COX16: variants seen among roughly 807,000 people sequenced by gnomAD.
COX16 encodes cytochrome c oxidase assembly protein COX16 homolog, mitochondrial.
A neutral mutation model predicts 15.4 loss-of-function variants in COX16; 12 were observed. The ratio of observed to expected loss-of-function variants is 0.78; its 90% CI spans 0.50 to 1.26. The LOEUF is 1.26. Ranked by LOEUF, COX16 falls within the 50% of genes most tolerant of loss-of-function variation. COX16 has a pLI of 0.00. For missense variants in COX16, 124 were observed against 127.6 expected (o/e 0.97, Z 0.14); for synonymous variants, 46 against 41.1 (o/e 1.12, Z -0.46).
rs1886073948 is a variant in COX16 at position 70,326,356 on chromosome 14, T to G, written c.298A>C (p.Ser100Arg). The change falls in exon 4 of 4, where the codon AGC becomes CGC. Residue 100 changes from serine (S) to arginine (R), a missense_variant. Coordinates refer to ENST00000389912, the MANE Select transcript of COX16 (RefSeq NM_016468.7). ...AGTCAAGTTGTCTTAGTCTTAAGGCTTTCTGGATTTCTTCCTTGGAGGAGG... is the reference window on the plus strand; with the variant it reads ...AGTCAAGTTGTCTTAGTCTTAAGGCGTTCTGGATTTCTTCCTTGGAGGAGG... Reference protein sequence around the residue: ...PDLLQGRNPESLKTKTT With the variant: ...PDLLQGRNPERLKTKTT The G allele has an allele frequency of 1.3e-6, 2 of 1,570,346 alleles. No individual in the cohort carries two copies. The highest frequency in any genetic ancestry group is 2.8e-5 in the African/African-American group (2 of 72,548).
Position 70,347,730 on chromosome 14 carries a change from C to T in COX16, c.70-5001G>A, listed in dbSNP as rs192204926. Among the ~76,000 whole-genome samples, 454 of 152,220 alleles carry T rather than the reference C, an allele frequency of 3.0e-3. 4 individuals are homozygous for T. Among genetic ancestry groups the T allele is most frequent in the African/African-American group, 0.011 (444 of 41,520 alleles). On this transcript the variant is annotated intron_variant, in intron 1 of 3. Transcript: ENST00000389912. ...GCACAAATATGAGCCCCCTTAGTCA[C>T]TTATCTAGGCCTGGCTCTTACCCCA...
chr14:70,357,245 T>C (rs1342356290), intron 1 of COX16, among the ~76,000 whole-genome samples: 1 of 144,164 alleles, frequency 6.9e-6, no homozygotes, highest in Non-Finnish European at 1.5e-5. Context: ...ATAATAGGAA[T>C]AAGGTGTCCT....
In COX16 at chr14:70,331,724, CAAAT is replaced by C. The variant is rs1275625233; in HGVS notation, c.142-2492_142-2489del. 1.9e-4 allele frequency among the ~76,000 whole-genome samples: 20 copies of C among 107,168 alleles called. No individual in the cohort carries two copies. In the East Asian group the frequency reaches 5.9e-3, roughly 32 times the overall value. The allele number at this position is 107,168 out of a possible 152,430, so 70.3% of individuals were successfully genotyped here. A position where few individuals can be genotyped will look rare whatever the true frequency, so the allele number is the denominator to read the frequency against. Reference sequence around the variant, plus strand: ...ATTCTGAAAAACAGTTTGGAATTATCAAATAAAATTGAAGTATGATACAACACCC... The same window carrying C: ...ATTCTGAAAAACAGTTTGGAATTATCAAAATTGAAGTATGATACAACACCC... On this transcript the variant is annotated intron_variant, in intron 2 of 3. Transcript: ENST00000389912.
At chr14:70,334,715 C>A (rs966446449) in intron 2 of COX16, among the ~76,000 whole-genome samples, 2 of 151,778 alleles carry the variant, frequency 1.3e-5, no homozygotes, top group African/African-American at 2.4e-5. Context: ...AACAGATACA[C>A]TAAAAATAAA....
intron 1 of COX16, among the ~76,000 whole-genome samples, chr14:70,355,371 TC>T (rs1887094955): frequency 1.3e-5 from 2 of 152,214 alleles, no homozygotes; most frequent in Admixed American, 6.5e-5. Context: ...ATACCTCAAC[TC>T]TCCAATGTTG....
intron 2 of COX16, among the ~76,000 whole-genome samples, chr14:70,331,891 T>G (rs992897123): frequency 1.9e-4 from 29 of 152,276 alleles, no homozygotes; most frequent in Non-Finnish European, 3.5e-4. Context: ...CCTGCACCTA[T>G]CCACAGTAAA....
chr14:70,353,108 T>C (rs1887011006), intron 1 of COX16, among the ~76,000 whole-genome samples: 1 of 151,434 alleles, frequency 6.6e-6, no homozygotes, highest in Non-Finnish European at 1.5e-5. Context: ...TAAAAATACA[T>C]AAAGTAGCCG....
chr14:70,336,257 AAAAAACAAAAAAC>A (rs1397595711), intron 2 of COX16, among the ~76,000 whole-genome samples: 1 of 115,998 alleles, frequency 8.6e-6, no homozygotes, highest in Non-Finnish European at 2.0e-5. Flanking sequence ...CTTCGTCTCA[AAAAAACAAAAAAC>A]AAAAACAAAA....
At chr14:70,336,441 T>A (rs1639855715) in intron 2 of COX16, among the ~76,000 whole-genome samples, 1 of 152,322 alleles carries the variant, frequency 6.6e-6, no homozygotes, top group East Asian at 1.9e-4. Flanking sequence ...TATGATAATT[T>A]ATTAAATTGT....
At chr14:70,359,256 GA>G (rs758688636) in intron 1 of COX16, 1 of 581,394 alleles carries the variant, frequency 1.7e-6, no homozygotes, top group South Asian at 1.5e-5. Flanking sequence ...CGCGTTCGAC[GA>G]TGGGAAAGAC....
chr14:70,329,851 C>T (rs554967911), intron 2 of COX16, among the ~76,000 whole-genome samples: 1 of 151,086 alleles, frequency 6.6e-6, no homozygotes, highest in South Asian at 2.1e-4. Flanking sequence ...TAAACAACAA[C>T]TACAAAAAAG....
chr14:70,332,513 T>C (rs1886321710), intron 2 of COX16, among the ~76,000 whole-genome samples: 1 of 152,124 alleles, frequency 6.6e-6, no homozygotes, highest in South Asian at 2.1e-4. Flanking sequence ...GTCTCAGTTC[T>C]AGCCTCTCCT....
chr14:70,347,130 C>T (rs1346777206), intron 1 of COX16, among the ~76,000 whole-genome samples: 1 of 152,052 alleles, frequency 6.6e-6, no homozygotes, highest in East Asian at 1.9e-4. Flanking sequence ...AAGCAGTATC[C>T]CATCCCCCAA....
At chr14:70,348,917 CAAGT>C (rs199905104) in intron 1 of COX16, among the ~76,000 whole-genome samples, 1,612 of 152,292 alleles carry the variant, frequency 0.011, 15 homozygotes, top group Non-Finnish European at 0.015. Context: ...GGTAGCCAAA[CAAGT>C]AGCCCTGCAA....
chr14:70,357,186 A>C (rs921806171), intron 1 of COX16, among the ~76,000 whole-genome samples: 28 of 151,156 alleles, frequency 1.9e-4, no homozygotes, highest in Non-Finnish European at 3.8e-4. Flanking sequence ...AAAAAAAAAA[A>C]AAAAATTCAG....
Position 70,329,157 on chromosome 14 carries a change from A to G in COX16, c.204+17T>C. On this transcript the variant is annotated intron_variant, in intron 3 of 3. Transcript: ENST00000389912. ...AACTGATTGTTATAAGACAGAGACT[A>G]TATTAACATACCGTACCTCATATTC... is the stretch of plus-strand genomic sequence containing the variant. The G allele has an allele frequency of 2.5e-6, 4 of 1,600,440 alleles. No homozygotes were observed. The highest frequency in any genetic ancestry group is 1.7e-5 in the Admixed American group (1 of 57,758).
chr14:70,343,327 A>C (rs1886677996), intron 1 of COX16, among the ~76,000 whole-genome samples: 1 of 152,166 alleles, frequency 6.6e-6, no homozygotes, highest in Non-Finnish European at 1.5e-5. Flanking sequence ...AGCTCTCTCA[A>C]CTTCTGGTTC....
At chr14:70,327,902 AGT>A (rs1051963629) in intron 3 of COX16, among the ~76,000 whole-genome samples, 2 of 152,188 alleles carry the variant, frequency 1.3e-5, no homozygotes, top group Non-Finnish European at 2.9e-5. Flanking sequence ...TATAGGCCTG[AGT>A]GTGGAACAGC....
intron 1 of COX16, among the ~76,000 whole-genome samples, chr14:70,358,371 A>ATTTTTT (rs34871293): frequency 7.4e-5 from 7 of 94,062 alleles, no homozygotes; most frequent in East Asian, 4.0e-4. Context: ...AAAAACAACA[A>ATTTTTT]TTTTTTTTTT....
Sources: gnomAD v4.1 joint callset for allele counts (sites outside exome capture counted in the v4.1 genomes callset) on GRCh38, gnomAD v4.1.1 for gene constraint, MANE v1.5 for transcripts, NCBI Gene and HGNC (gene_info 2026-07-23, HGNC 2026-07-21) for gene names.